Variants in FOXN3 observed in about 807,000 individuals in gnomAD.
FOXN3 encodes the protein forkhead box N3.
FOXN3 carries 7 observed loss-of-function variants against 38.4 expected under a neutral mutation model. The observed-to-expected ratio is 0.18, with a 90% CI of 0.10 to 0.34. FOXN3 has a LOEUF of 0.34. Ranked by LOEUF, FOXN3 falls within the 10% of genes least tolerant of loss-of-function variation. The pLI is 1.00. For synonymous variants in FOXN3, 230 were observed against 242.2 expected, an observed-to-expected ratio of 0.95 and a Z score of 0.47; for missense variants, 456 against 613.4, an observed-to-expected ratio of 0.74 and a Z score of 2.71.
chr14:89,213,458 G>A (rs767494564), intron 4 of FOXN3, among the ~76,000 whole-genome samples: 2 of 151,898 alleles, frequency 1.3e-5, no homozygotes, highest in African/African-American at 2.4e-5. Flanking sequence ...GTTTTGAATC[G>A]GTCACTCTAG....
At chr14:89,572,850 C>T (rs563953373) in intron 1 of FOXN3, among the ~76,000 whole-genome samples, 7 of 152,210 alleles carry the variant, frequency 4.6e-5, no homozygotes, top group African/African-American at 7.2e-5. Context: ...GAAAAAGCCT[C>T]GGGGCCCCAG....
At chr14:89,356,417 T>TTA (rs772946291) in intron 2 of FOXN3, 2 of 151,772 alleles carry the variant, frequency 1.3e-5, no homozygotes, top group African/African-American at 4.8e-5. Context: ...ATAATAATAA[T>TTA]AATTAAATTA....
At position 89,232,186 on chromosome 14, in the gene FOXN3, G is replaced by T. The variant is rs140311897; in HGVS notation, c.745+48764C>A. On this transcript the variant is annotated intron_variant, in intron 4 of 5. Transcript: ENST00000557258. ...AAGATTCTGACCTGCTAGTAACCTG[G>T]GCAGAACCCAGAAGGTTCCTATAAG... is the stretch of plus-strand genomic sequence containing the variant. Among the ~76,000 whole-genome samples the T allele has an allele frequency of 5.4e-3, 820 of 152,284 alleles. 10 individuals are homozygous for T. Among genetic ancestry groups the T allele is most frequent in the African/African-American group, 0.019 (777 of 41,550 alleles).
intron 4 of FOXN3, among the ~76,000 whole-genome samples, chr14:89,196,699 T>A (rs1482951850): frequency 6.6e-6 from 1 of 152,180 alleles, no homozygotes; most frequent in Admixed American, 6.5e-5. Flanking sequence ...CCTGTCCTGA[T>A]GGGTCCCTGC....
In FOXN3 at chr14:89,162,721, C is replaced by T. The variant is rs1272786393; in HGVS notation, c.1100G>A (p.Ser367Asn). The change falls in exon 6 of 6, where the codon AGC becomes AAC. Residue 367 changes from serine (S) to asparagine (N), a missense_variant. This residue lies in a region of FOXN3 where 386 missense variants were observed against 505.2 expected (regional missense o/e 0.76). Coordinates refer to ENST00000557258, the MANE Select transcript of FOXN3 (RefSeq NM_005197.4). The surrounding 1 kb of genome is among the most constrained non-coding windows in gnomAD (Gnocchi z 7.2). The part of the protein sequence containing the change: ...GSEGSFRSHE[S>N]PSDTEEDDRK... ...GTCGTCCTCTTCCGTGTCGCTGGGG[C>T]TCTCGTGGCTCCGGAAGCTCCCCTC... 5.6e-6 allele frequency: 9 copies of T among 1,613,888 alleles called. No homozygotes were observed. Among genetic ancestry groups the T allele is most frequent in the Non-Finnish European group, 6.8e-6 (8 of 1,179,980 alleles).
chr14:89,469,040 T>C (rs979314157), intron 1 of FOXN3, among the ~76,000 whole-genome samples: 1 of 152,184 alleles, frequency 6.6e-6, no homozygotes, highest in Non-Finnish European at 1.5e-5. Context: ...ATATCTGCTC[T>C]CTAATAAGCA....
At chr14:89,467,398 G>A (rs1892992216) in intron 1 of FOXN3, among the ~76,000 whole-genome samples, 1 of 152,202 alleles carries the variant, frequency 6.6e-6, no homozygotes. Context: ...CTCTTGGAGA[G>A]AGTTATGTCC....
Position 89,164,876 on chromosome 14 carries a change from G to A in FOXN3, c.852-1907C>T, listed in dbSNP as rs973563173. Among the ~76,000 whole-genome samples the A allele has an allele frequency of 2.0e-5, 3 of 152,126 alleles. No individual in the cohort carries two copies. The highest frequency in any genetic ancestry group is 7.2e-5 in the African/African-American group (3 of 41,428). On this transcript the variant is annotated intron_variant, in intron 5 of 5. Coordinates refer to ENST00000557258, the MANE Select transcript of FOXN3 (RefSeq NM_005197.4). This position sits in a 1 kb window ranked among gnomAD's most constrained non-coding sequence, Gnocchi z 4.3. ...CTGCATCCCACATAGAAAGTGAAAG[G>A]GGAAGGGAAAGAGTCCCTAATGAAA...
chr14:89,313,382 A>C (rs541057149), intron 3 of FOXN3, among the ~76,000 whole-genome samples: 84 of 152,278 alleles, frequency 5.5e-4, no homozygotes, highest in Middle Eastern at 3.4e-3. Flanking sequence ...AACATGGTGA[A>C]ACCCCTTCTC....
In FOXN3 at chr14:89,538,906, C is replaced by T. The variant is rs184591201; in HGVS notation, c.-15+80122G>A. Among the ~76,000 whole-genome samples the T allele has an allele frequency of 2.4e-4, 36 of 152,076 alleles. No homozygotes were observed. In the East Asian group the frequency reaches 6.6e-3, roughly 28 times the overall value. On this transcript the variant is annotated intron_variant, in intron 1 of 6. Coordinates refer to the FOXN3 transcript ENST00000345097. ...TCGCCCCGGCTGGAGTGCAGTGGTGCGATCTCCGCTCACTGCAACTTCCGC... is the reference window on the plus strand; with the variant it reads ...TCGCCCCGGCTGGAGTGCAGTGGTGTGATCTCCGCTCACTGCAACTTCCGC...
intron 2 of FOXN3, chr14:89,409,220 C>A (rs1784618835): frequency 6.6e-6 from 1 of 152,232 alleles, no homozygotes; most frequent in African/African-American, 2.4e-5. Flanking sequence ...GAAGCCAGAA[C>A]TGAATGTTTC....
chr14:89,470,312 T>C (rs1374528702), intron 1 of FOXN3, among the ~76,000 whole-genome samples: 1 of 151,514 alleles, frequency 6.6e-6, no homozygotes, highest in Non-Finnish European at 1.5e-5. Context: ...AAAAAAAGCA[T>C]TAAATGCAGT....
chr14:89,162,229 T>C lies in FOXN3; in HGVS notation c.*185A>G. The stretch of plus-strand genomic sequence containing the variant: ...CAATCTCCTTTAAAAATAAAATTCT[T>C]AAGGGTCCAAAACAAAGAAGAGGGG... On this transcript the variant is annotated 3_prime_UTR_variant, in exon 6 of 6. Coordinates refer to ENST00000557258, the MANE Select transcript of FOXN3 (RefSeq NM_005197.4). The surrounding 1 kb of genome is among the most constrained non-coding windows in gnomAD (Gnocchi z 7.2). 1 of 489,752 alleles carries C rather than the reference T, an allele frequency of 2.0e-6. No individual in the cohort carries two copies. The highest frequency in any genetic ancestry group is 3.5e-6 in the Non-Finnish European group (1 of 284,378). 30.3% of individuals were successfully genotyped at this position (489,752 alleles called of 1,614,324 possible).
chr14:89,208,734 A>T (rs943077063), intron 4 of FOXN3, among the ~76,000 whole-genome samples: 1 of 152,204 alleles, frequency 6.6e-6, no homozygotes. Context: ...GAATAATAGA[A>T]TTTTTGAGCT....
intron 1 of FOXN3, among the ~76,000 whole-genome samples, chr14:89,430,805 C>T (rs188392570): frequency 7.2e-4 from 110 of 152,314 alleles, no homozygotes; most frequent in African/African-American, 2.5e-3. Flanking sequence ...TACCACCAGA[C>T]GGAGGTTCTG....
intron 3 of FOXN3, among the ~76,000 whole-genome samples, chr14:89,299,715 T>A (rs1351554492): frequency 6.6e-6 from 1 of 152,108 alleles, no homozygotes; most frequent in East Asian, 1.9e-4. Context: ...CTGGAGGGAC[T>A]CTGAGACTGA....
chr14:89,575,813 G>T (rs940559323), intron 1 of FOXN3, among the ~76,000 whole-genome samples: 1 of 152,190 alleles, frequency 6.6e-6, no homozygotes, highest in African/African-American at 2.4e-5. Context: ...AGGCAAAGTC[G>T]TGGCCATGTG....
chr14:89,445,367 C>CA (rs1892471938), intron 1 of FOXN3, among the ~76,000 whole-genome samples: 1 of 151,948 alleles, frequency 6.6e-6, no homozygotes, highest in Non-Finnish European at 1.5e-5. Context: ...GAGCTGCTGT[C>CA]ATTTTGTTTG....
Position 89,412,599 on chromosome 14 carries a change from T to C in FOXN3, c.-14-109A>G. 2 of 814,440 alleles carry C rather than the reference T, an allele frequency of 2.5e-6. No individual in the cohort carries two copies. Among genetic ancestry groups the C allele is most frequent in the Non-Finnish European group, 3.8e-6 (2 of 531,034 alleles). 50.5% of individuals were successfully genotyped at this position (814,440 alleles called of 1,614,324 possible). A position where few individuals can be genotyped will look rare whatever the true frequency, so the allele number is the denominator to read the frequency against. On this transcript the variant is annotated intron_variant, in intron 1 of 5. Transcript: ENST00000557258. This position sits in a 1 kb window ranked among gnomAD's most constrained non-coding sequence, Gnocchi z 4.7. ...CCCTCTGCCGCCTCTATGGAACCCCTGCTACACAGGAACACCACCTTGTGA... is the reference window on the plus strand; with the variant it reads ...CCCTCTGCCGCCTCTATGGAACCCCCGCTACACAGGAACACCACCTTGTGA...
Sources: gnomAD v4.1 joint callset for allele counts (sites outside exome capture counted in the v4.1 genomes callset) on GRCh38, gnomAD v4.1.1 for gene constraint, gnomAD v4.1.1 regional missense constraint, Gnocchi (gnomAD v3.1) non-coding constraint, MANE v1.5 for transcripts, NCBI Gene and HGNC (gene_info 2026-07-23, HGNC 2026-07-21) for gene names.